Variants in OTUD6B observed in about 807,000 individuals in gnomAD.
The protein encoded by OTUD6B is deubiquitinase OTUD6B.
Under a neutral mutation model 36.9 loss-of-function variants are expected in OTUD6B, and 41 were observed. That is an observed-to-expected ratio of 1.11 (90% CI 0.87 to 1.44). OTUD6B has a LOEUF of 1.44. OTUD6B is among the 40% of genes most tolerant of loss of function. The pLI, the probability that OTUD6B is intolerant of heterozygous loss-of-function variation, is 0.00. For missense variants in OTUD6B, 356 were observed against 344.8 expected (o/e 1.03, Z -0.26); for synonymous variants, 114 against 114.2 (o/e 1.00, Z 0.01).
At chr8:91,076,400 C>T in intron 3 of OTUD6B, 2 of 910,818 alleles carry the variant, frequency 2.2e-6, no homozygotes, top group Non-Finnish European at 2.6e-6. Flanking sequence ...TTACCTAGTG[C>T]CCTGAAAAGG....
intron 4 of OTUD6B, 146 bp from the exon 5 acceptor site, chr8:91,080,523 A>G: frequency 2.8e-6 from 4 of 1,415,216 alleles, no homozygotes; most frequent in Non-Finnish European, 2.8e-6. Context: ...CCTGGGAGTT[A>G]GATTAGATTC....
chr8:91,076,494 C>G (rs1812805220), intron 3 of OTUD6B: 1 of 1,507,668 alleles, frequency 6.6e-7, no homozygotes, highest in Non-Finnish European at 8.9e-7. Context: ...GAGGCTTAAA[C>G]AGTTTTGCAG....
At position 91,076,564 on chromosome 8, in the gene OTUD6B, A is replaced by C. The variant is rs571566315; in HGVS notation, c.316-1792A>C. 1.2e-3 allele frequency: 1,849 copies of C among 1,528,408 alleles called. 3 individuals are homozygous for C. Among genetic ancestry groups the C allele is most frequent in the Non-Finnish European group, 1.6e-3 (1,776 of 1,142,184 alleles). The allele number at this position is 1,528,408 out of a possible 1,614,324, so 94.7% of individuals were successfully genotyped here. A position where few individuals can be genotyped will look rare whatever the true frequency, so the allele number is the denominator to read the frequency against. ...CATGACATCATTAACTCCAGCTCCCATCTGCTCCAACTTTTATTCTGATTC... is the reference window on the plus strand; with the variant it reads ...CATGACATCATTAACTCCAGCTCCCCTCTGCTCCAACTTTTATTCTGATTC... On this transcript the variant is annotated intron_variant, in intron 3 of 6. Coordinates refer to ENST00000404789, the MANE Select transcript of OTUD6B (RefSeq NM_016023.5).
chr8:91,080,983 A>G (rs769524770), intron 5 of OTUD6B, among the ~76,000 whole-genome samples: 2 of 152,160 alleles, frequency 1.3e-5, no homozygotes, highest in Non-Finnish European at 2.9e-5. Flanking sequence ...TGTTAGAAAT[A>G]CATATGTGTA....
rs113656796 is a variant in OTUD6B at position 91,084,701 on chromosome 8, T to TTA, written c.798-70_798-69dup. On this transcript the variant is annotated intron_variant, in intron 6 of 6. Transcript: ENST00000404789. Reference sequence around the variant, plus strand: ...GACTGAGTCATTCAGAATCATTGGTTTATATATATATATAATAAGCATATA... The same window carrying TTA: ...GACTGAGTCATTCAGAATCATTGGTTTATATATATATATATAATAAGCATATA... 7,164 of 1,192,102 alleles carry TTA rather than the reference T, an allele frequency of 6.0e-3. 251 individuals carry two copies. In the African/African-American group the frequency reaches 0.094, roughly 16 times the overall value. 73.8% of individuals were successfully genotyped at this position (1,192,102 alleles called of 1,614,324 possible). A position where few individuals can be genotyped will look rare whatever the true frequency, so the allele number is the denominator to read the frequency against.
rs1812750277 is a variant in OTUD6B, at chr8:91,073,839, T to G, written c.243T>G (p.Ser81=). Residue 81 remains serine (S), a synonymous_variant, in exon 3 of 7, where the codon TCT becomes TCG. Coordinates refer to ENST00000404789, the MANE Select transcript of OTUD6B (RefSeq NM_016023.5). ...KLTTKENKID[S]VAVNISNLVL... is the part of the protein sequence containing the mutation. ...CTTTTTGTTTCCTTCAGATAGATTC[T>G]GTTGCTGTTAACATTTCAAACTTGG... 2 of 1,583,726 alleles carry G rather than the reference T, an allele frequency of 1.3e-6. No homozygotes were observed. The highest frequency in any genetic ancestry group is 1.7e-6 in the Non-Finnish European group (2 of 1,162,842).
At chr8:91,076,659 C>A in intron 3 of OTUD6B, 1 of 1,486,802 alleles carries the variant, frequency 6.7e-7, no homozygotes, top group Non-Finnish European at 9.1e-7. Context: ...GCTGTATGGC[C>A]TTTGGAAATC....
chr8:91,076,727 C>A, intron 3 of OTUD6B: 2 of 959,860 alleles, frequency 2.1e-6, no homozygotes, highest in Non-Finnish European at 3.2e-6. Context: ...TAGATGATAT[C>A]TAAGGTGCTT....
At chr8:91,077,199 TAGAG>T (rs1251233547) in intron 3 of OTUD6B, among the ~76,000 whole-genome samples, 1 of 151,826 alleles carries the variant, frequency 6.6e-6, no homozygotes, top group Admixed American at 6.6e-5. Flanking sequence ...AAATATATGA[TAGAG>T]AATTAGAAAG....
intron 6 of OTUD6B, 75 bp downstream of exon 6, chr8:91,084,189 T>G (rs773718931): frequency 2.9e-5 from 25 of 862,516 alleles, no homozygotes; most frequent in Non-Finnish European, 4.3e-5. Context: ...ATTTAGATTA[T>G]ATGTGTTAAA....
chr8:91,075,636 T>C (rs1317998094), intron 3 of OTUD6B, among the ~76,000 whole-genome samples: 3 of 152,122 alleles, frequency 2.0e-5, no homozygotes, highest in Non-Finnish European at 4.4e-5. Context: ...TATAGTCAGC[T>C]GCTTTAACAC....
Position 91,078,461 on chromosome 8 carries a change from A to T in OTUD6B, c.421A>T (p.Ile141Leu). The T allele has an allele frequency of 6.2e-7, 1 of 1,605,698 alleles. No homozygotes were observed. The highest frequency in any genetic ancestry group is 8.5e-7 in the Non-Finnish European group (1 of 1,175,606). Residue 141 changes from isoleucine to leucine, a missense_variant, in exon 4 of 7, where the codon ATA (isoleucine) becomes TTA (leucine). Physicochemically the swap from Ile to Leu is conservative, Grantham distance 5. Coordinates refer to ENST00000404789, the MANE Select transcript of OTUD6B (RefSeq NM_016023.5). Reference sequence around the variant, plus strand: ...TATGGAAAGTGAGAAACTTGCTCAAATATTGGCAGCTAGACAGTTAGAAAT... The same window carrying T: ...TATGGAAAGTGAGAAACTTGCTCAATTATTGGCAGCTAGACAGTTAGAAAT... ...RHMESEKLAQ[I>L]LAARQLEIKQ...
intron 3 of OTUD6B, chr8:91,076,607 G>A (rs1812807359): frequency 6.5e-7 from 1 of 1,531,954 alleles, no homozygotes; most frequent in Non-Finnish European, 8.7e-7. Context: ...TGGATAGAAG[G>A]AGCTCTCTGT....
chr8:91,073,978 C>G, intron 3 of OTUD6B, 67 bp downstream of exon 3: 1 of 1,046,202 alleles, frequency 9.6e-7, no homozygotes, highest in Non-Finnish European at 1.4e-6. Flanking sequence ...TAGGTACTAT[C>G]TTAGGTCTTG....
At chr8:91,077,135 A>T (rs1055354054) in intron 3 of OTUD6B, among the ~76,000 whole-genome samples, 2 of 152,082 alleles carry the variant, frequency 1.3e-5, no homozygotes, top group African/African-American at 2.4e-5. Flanking sequence ...AAATTTATAT[A>T]ACTTAGTTTT....
chr8:91,070,903 T>C, intron 1 of OTUD6B: 2 of 347,046 alleles, frequency 5.8e-6, no homozygotes, highest in Non-Finnish European at 8.1e-6. Context: ...TTCCTTCTCT[T>C]ATCTCGCCAA....
rs1812685461 is a variant in OTUD6B, at chr8:91,071,053, C to T, written c.83-85C>T. The T allele has an allele frequency of 2.5e-6, 4 of 1,569,974 alleles. No homozygotes were observed. The Admixed American group carries it at 8.5e-5, about 33-fold the overall frequency. ...ATAATTACTTTTTCTGTACCCTTCGCCCGTTACCATCCCCTTATTGGTTCC... is the reference window on the plus strand; with the variant it reads ...ATAATTACTTTTTCTGTACCCTTCGTCCGTTACCATCCCCTTATTGGTTCC... On this transcript the variant is annotated intron_variant, in intron 1 of 6. Coordinates refer to ENST00000404789, the MANE Select transcript of OTUD6B (RefSeq NM_016023.5).
At chr8:91,084,143 A>G (rs1410961979) in intron 6 of OTUD6B, 29 bp downstream of exon 6, 3 of 1,194,674 alleles carry the variant, frequency 2.5e-6, no homozygotes, top group South Asian at 1.5e-5. Context: ...TTACTGTTTT[A>G]TTTTTCACAA....
At chr8:91,082,094 A>G (rs539660561) in intron 5 of OTUD6B, among the ~76,000 whole-genome samples, 1 of 152,164 alleles carries the variant, frequency 6.6e-6, no homozygotes, top group Non-Finnish European at 1.5e-5. Flanking sequence ...AAAGAAAATC[A>G]TTCTATGATC....
Sources: allele counts gnomAD v4.1 joint callset (sites outside exome capture counted in the v4.1 genomes callset), GRCh38; gene constraint gnomAD v4.1.1; transcripts MANE v1.5; gene names NCBI Gene and HGNC (gene_info 2026-07-23, HGNC 2026-07-21).